Variants in CACNA1D observed in about 807,000 individuals in gnomAD.
CACNA1D encodes voltage-dependent L-type calcium channel subunit alpha-1D.
Under a neutral mutation model 257.1 loss-of-function variants are expected in CACNA1D, and 55 were observed. The ratio of observed to expected loss-of-function variants is 0.21; its 90% CI spans 0.17 to 0.27. The LOEUF is 0.27. Ranked by LOEUF, CACNA1D falls within the 10% of genes least tolerant of loss-of-function variation. The probability of loss-of-function intolerance (pLI) is 1.00; values close to 1 mark genes in which losing one functional copy is unlikely to be tolerated. For missense variants in CACNA1D, 1,876 were observed against 2,784.0 expected (o/e 0.67, Z 7.34); for synonymous variants, 980 against 1,014.9 (o/e 0.97, Z 0.65).
Position 53,711,805 on chromosome 3 carries a change from A to G in CACNA1D, c.1391-6496A>G, listed in dbSNP as rs528107613. ...TGAAAAGGAATTAAGAGATTATCAG[A>G]TATAAGCCCTTGTCATTCAGCACGT... On this transcript the variant is annotated intron_variant, in intron 9 of 47. Coordinates refer to ENST00000350061, the MANE Select transcript of CACNA1D (RefSeq NM_001128840.3). Among the ~76,000 whole-genome samples, 6 of 152,362 alleles carry G rather than the reference A, an allele frequency of 3.9e-5. No homozygotes were observed. The East Asian group carries it at 9.6e-4, about 24-fold the overall frequency.
chr3:53,506,149 T>G (rs2090837414), intron 3 of CACNA1D, among the ~76,000 whole-genome samples: 1 of 152,258 alleles, frequency 6.6e-6, no homozygotes, highest in Non-Finnish European at 1.5e-5. Context: ...GTTGTCATTC[T>G]GTTGGAATTG....
intron 30 of CACNA1D, among the ~76,000 whole-genome samples, chr3:53,767,579 A>AAAAC (rs1427694084): frequency 6.6e-6 from 1 of 151,656 alleles, no homozygotes; most frequent in Admixed American, 6.6e-5. Context: ...AAAAAAAAAA[A>AAAAC]AACAACAAAA....
chr3:53,596,383 G>A (rs986767302), intron 3 of CACNA1D, among the ~76,000 whole-genome samples: 15 of 152,310 alleles, frequency 9.8e-5, no homozygotes, highest in Middle Eastern at 3.4e-3. Flanking sequence ...GGTGCCCTGA[G>A]TAGTGGTCTT....
At chr3:53,667,438 G>C (rs2094278408) in intron 7 of CACNA1D, among the ~76,000 whole-genome samples, 1 of 152,146 alleles carries the variant, frequency 6.6e-6, no homozygotes, top group Non-Finnish European at 1.5e-5. Flanking sequence ...AAGTCCAAAG[G>C]GGAGTAACCA....
intron 3 of CACNA1D, among the ~76,000 whole-genome samples, chr3:53,626,841 C>T (rs1392646807): frequency 1.3e-5 from 2 of 152,150 alleles, no homozygotes; most frequent in African/African-American, 4.8e-5. Flanking sequence ...TCCTAGATGA[C>T]CTCTTGGGCA....
At chr3:53,511,916 C>T (rs2091129026) in intron 3 of CACNA1D, among the ~76,000 whole-genome samples, 3 of 152,078 alleles carry the variant, frequency 2.0e-5, no homozygotes, top group Admixed American at 2.0e-4. Context: ...TATTATTTTA[C>T]TCTAATGTAA....
intron 7 of CACNA1D, among the ~76,000 whole-genome samples, chr3:53,670,515 T>C (rs969840749): frequency 6.6e-6 from 1 of 152,050 alleles, no homozygotes; most frequent in Non-Finnish European, 1.5e-5. Context: ...CAGCTAATTT[T>C]TGTATTTTTA....
intron 8 of CACNA1D, among the ~76,000 whole-genome samples, chr3:53,697,970 G>T (rs1041643668): frequency 6.6e-6 from 1 of 152,192 alleles, no homozygotes; most frequent in Non-Finnish European, 1.5e-5. Context: ...TGTTATTAGA[G>T]ACCAAGATGT....
chr3:53,701,040 G>A (rs1282484395), intron 8 of CACNA1D, among the ~76,000 whole-genome samples: 1 of 152,030 alleles, frequency 6.6e-6, no homozygotes, highest in African/African-American at 2.4e-5. Flanking sequence ...CTTATCTGAA[G>A]TATTAGTGTC....
chr3:53,681,084 T>C (rs1277962990), intron 8 of CACNA1D, among the ~76,000 whole-genome samples: 1 of 152,234 alleles, frequency 6.6e-6, no homozygotes, highest in Non-Finnish European at 1.5e-5. Context: ...GGAGAGCCAC[T>C]GTTCCTGCCC....
At chr3:53,806,128 C>T (rs1160721297) in intron 45 of CACNA1D, among the ~76,000 whole-genome samples, 2 of 142,300 alleles carry the variant, frequency 1.4e-5, no homozygotes, top group Non-Finnish European at 3.1e-5. Context: ...CTTTATCTTC[C>T]TCCTCCCTCA....
rs1292720845 is a variant in CACNA1D, at chr3:53,665,900, C to CA, written c.919+92dup. ...TTCATGGTTTGGGGAAAATCTAAAA[C>CA]AAAATAGGAAAAAAAATGCCCAATA... is the stretch of plus-strand genomic sequence containing the variant. On this transcript the variant is annotated intron_variant, in intron 6 of 47. Transcript: ENST00000350061. 4 of 1,085,230 alleles carry CA rather than the reference C, an allele frequency of 3.7e-6. No homozygotes were observed. In the African/African-American group the frequency reaches 6.4e-5, roughly 17 times the overall value. The allele number at this position is 1,085,230 out of a possible 1,614,324, so 67.2% of individuals were successfully genotyped here.
At chr3:53,710,951 C>G (rs1363805586) in intron 9 of CACNA1D, among the ~76,000 whole-genome samples, 1 of 152,162 alleles carries the variant, frequency 6.6e-6, no homozygotes, top group Non-Finnish European at 1.5e-5. Context: ...ATGAAATTAG[C>G]TGGATGCAGT....
Position 53,660,211 on chromosome 3 carries a change from T to C in CACNA1D, c.702T>C (p.Phe234=). Residue 234 remains phenylalanine (F), a synonymous_variant, in exon 5 of 48, where the codon TTT becomes TTC. Coordinates refer to ENST00000350061, the MANE Select transcript of CACNA1D (RefSeq NM_001128840.3). The stretch of plus-strand genomic sequence containing the variant: ...ACTCAAGCGGCAAATCTGGAGGCTT[T>C]GATGTCAAAGCCCTCCGTGCCTTTC... ...GNHSSGKSGG[F]DVKALRAFRV... is the part of the protein sequence containing the mutation. 1 of 1,614,114 alleles carries C rather than the reference T, an allele frequency of 6.2e-7. No individual in the cohort carries two copies.
intron 8 of CACNA1D, among the ~76,000 whole-genome samples, chr3:53,696,114 C>G (rs1190956026): frequency 1.3e-5 from 2 of 152,148 alleles, no homozygotes; most frequent in Non-Finnish European, 2.9e-5. Context: ...CAGGTGCATG[C>G]CATTGCACTT....
At chr3:53,558,816 A>G (rs2092689501) in intron 3 of CACNA1D, among the ~76,000 whole-genome samples, 3 of 152,036 alleles carry the variant, frequency 2.0e-5, no homozygotes, top group African/African-American at 7.2e-5. Flanking sequence ...GTTTTTAGCA[A>G]TTTGTTTATG....
At position 53,497,047 on chromosome 3, in the gene CACNA1D, G is replaced by C. The variant is rs1474401169; in HGVS notation, c.68-105G>C. 6 of 856,720 alleles carry C rather than the reference G, an allele frequency of 7.0e-6. No individual in the cohort carries two copies. In the African/African-American group the frequency reaches 1.0e-4, roughly 15 times the overall value. The allele number at this position is 856,720 out of a possible 1,614,324, so 53.1% of individuals were successfully genotyped here. On this transcript the variant is annotated intron_variant, in intron 1 of 47. Coordinates refer to ENST00000350061, the MANE Select transcript of CACNA1D (RefSeq NM_001128840.3). The stretch of plus-strand genomic sequence containing the variant: ...AGATTCAAAATGGAAACATAGGAGT[G>C]AATGATTCCCCTGTTATTGATGGGA...
At chr3:53,775,839 T>C in intron 34 of CACNA1D, 47 bp from the exon 35 acceptor site, 2 of 1,594,602 alleles carry the variant, frequency 1.3e-6, no homozygotes, top group Non-Finnish European at 1.7e-6. Flanking sequence ...AAGCTTCAAA[T>C]TCCTTCTTTC....
At chr3:53,535,341 C>T (rs1371923261) in intron 3 of CACNA1D, among the ~76,000 whole-genome samples, 1 of 152,230 alleles carries the variant, frequency 6.6e-6, no homozygotes, top group Admixed American at 6.5e-5. Flanking sequence ...GCCAGTCCAT[C>T]TGCAAGGTAT....
Sources: gnomAD v4.1 joint callset for allele counts (sites outside exome capture counted in the v4.1 genomes callset) on GRCh38, gnomAD v4.1.1 for gene constraint, MANE v1.5 for transcripts, NCBI Gene and HGNC (gene_info 2026-07-23, HGNC 2026-07-21) for gene names.